The following CNTNAP2 variants were observed in gnomAD, a reference collection of about 807,000 sequenced individuals.
CNTNAP2 encodes the protein contactin associated protein 2.
Under a neutral mutation model 155.2 loss-of-function variants are expected in CNTNAP2, and 98 were observed. The ratio of observed to expected loss-of-function variants is 0.63; its 90% CI spans 0.54 to 0.75. CNTNAP2 has a LOEUF of 0.75. Among genes scored for constraint, CNTNAP2 ranks in the 30% least tolerant of loss-of-function variants. The probability of loss-of-function intolerance (pLI) is 0.00; values close to 1 mark genes in which losing one functional copy is unlikely to be tolerated. For synonymous variants in CNTNAP2, 651 were observed against 631.2 expected, an observed-to-expected ratio of 1.03 and a Z score of -0.47; for missense variants, 1,727 against 1,688.1, an observed-to-expected ratio of 1.02 and a Z score of -0.40.
intron 19 of CNTNAP2, among the ~76,000 whole-genome samples, chr7:148,228,827 C>CAAAAAAAAA (rs10657103): frequency 5.9e-5 from 7 of 118,692 alleles, no homozygotes; most frequent in Non-Finnish European, 1.0e-4. Flanking sequence ...GACTCTGTTT[C>CAAAAAAAAA]AAAAAAAAAA....
chr7:148,416,029 GCCC>G lies in CNTNAP2; in HGVS notation c.*416_*418del, dbSNP rs1166206605. On this transcript the variant is annotated 3_prime_UTR_variant, in exon 24 of 24. Transcript: ENST00000361727. Reference sequence around the variant, plus strand: ...AGAAAAGCTAATGCACCTACAGATGGCCCCCAACATTCTCTTCCTTTTGCTTCT... The same window carrying G: ...AGAAAAGCTAATGCACCTACAGATGGCCAACATTCTCTTCCTTTTGCTTCT... 16 of 198,316 alleles carry G rather than the reference GCCC, an allele frequency of 8.1e-5. No individual in the cohort carries two copies. Among genetic ancestry groups the G allele is most frequent in the Admixed American group, 7.0e-4 (13 of 18,684 alleles). 12.3% of individuals were successfully genotyped at this position (198,316 alleles called of 1,614,324 possible). A position where few individuals can be genotyped will look rare whatever the true frequency, so the allele number is the denominator to read the frequency against.
At chr7:147,666,265 A>G (rs963703674) in intron 13 of CNTNAP2, among the ~76,000 whole-genome samples, 13 of 152,204 alleles carry the variant, frequency 8.5e-5, no homozygotes, top group African/African-American at 2.9e-4. Context: ...CATGTGCTGC[A>G]TAACAACATT....
Position 148,415,927 on chromosome 7 carries a change from G to C in CNTNAP2, c.*311G>C, listed in dbSNP as rs963765546. On this transcript the variant is annotated 3_prime_UTR_variant, in exon 24 of 24. Coordinates refer to ENST00000361727, the MANE Select transcript of CNTNAP2 (RefSeq NM_014141.6). ...TCTTATTTTGTGTGTGTTTAGAGGT[G>C]TTCTAAAGACCCGTGGTAACAGGGC... The C allele has an allele frequency of 4.9e-6, 2 of 405,930 alleles. No homozygotes were observed. Among genetic ancestry groups the C allele is most frequent in the Non-Finnish European group, 8.8e-6 (2 of 227,404 alleles). 25.1% of individuals were successfully genotyped at this position (405,930 alleles called of 1,614,324 possible). A position where few individuals can be genotyped will look rare whatever the true frequency, so the allele number is the denominator to read the frequency against.
rs1220162392 is a variant in CNTNAP2, at chr7:147,189,926, A to C, written c.1348+57417A>C. Among the ~76,000 whole-genome samples, 3 of 152,132 alleles carry C rather than the reference A, an allele frequency of 2.0e-5. No homozygotes were observed. In the East Asian group the frequency reaches 5.8e-4, roughly 29 times the overall value. The stretch of plus-strand genomic sequence containing the variant: ...CGCCCGGCTAATTTTTTGTATTTTT[A>C]GTAGAGATGGGGTTTCACCGTGTTA... On this transcript the variant is annotated intron_variant, in intron 8 of 23. Transcript: ENST00000361727.
At chr7:147,159,919 T>A (rs905872182) in intron 8 of CNTNAP2, among the ~76,000 whole-genome samples, 1 of 151,300 alleles carries the variant, frequency 6.6e-6, no homozygotes, top group Non-Finnish European at 1.5e-5. Context: ...CATACTTTTT[T>A]ATATGATATG....
rs544253777 is a variant in CNTNAP2 at position 147,708,388 on chromosome 7, A to T, written c.2098+69082A>T. Among the ~76,000 whole-genome samples, 24 of 152,280 alleles carry T rather than the reference A, an allele frequency of 1.6e-4. No homozygotes were observed. In the East Asian group the frequency reaches 4.7e-3, roughly 30 times the overall value. On this transcript the variant is annotated intron_variant, in intron 13 of 23. Transcript: ENST00000361727. ...CCATGACATGCATTGGCTGCAGGTG[A>T]GGAATGTCAATAGGACACCAGGGAT... is the stretch of plus-strand genomic sequence containing the variant.
At chr7:148,026,303 TA>T (rs1254284339) in intron 15 of CNTNAP2, among the ~76,000 whole-genome samples, 4 of 151,594 alleles carry the variant, frequency 2.6e-5, no homozygotes, top group African/African-American at 9.7e-5. Context: ...AAATTTTTTT[TA>T]AATTAGTGTG....
Position 147,977,876 on chromosome 7 carries a change from G to A in CNTNAP2, c.2270G>A (p.Gly757Asp). The A allele has an allele frequency of 3.7e-6, 6 of 1,614,078 alleles. No homozygotes were observed. The highest frequency in any genetic ancestry group is 5.1e-6 in the Non-Finnish European group (6 of 1,180,010). ...ADYKQWRKDAGFLSYKDHLPV... is the reference protein window; with the variant it reads ...ADYKQWRKDADFLSYKDHLPV... ...CTGTGATCCAGGAGGAAGGATGCTGGTTTCTTATCATACAAAGATCACCTG... is the reference window on the plus strand; with the variant it reads ...CTGTGATCCAGGAGGAAGGATGCTGATTTCTTATCATACAAAGATCACCTG... Residue 757 changes from glycine (G) to aspartate (D), a missense_variant, in exon 15 of 24, where the codon GGT becomes GAT. By Grantham distance (94) the Gly-to-Asp change is moderately conservative. Transcript: ENST00000361727.
intron 10 of CNTNAP2, among the ~76,000 whole-genome samples, chr7:147,452,418 A>G (rs1797848314): frequency 6.6e-6 from 1 of 152,202 alleles, no homozygotes; most frequent in African/African-American, 2.4e-5. Context: ...TAGATGAGAA[A>G]TGACCTTCAT....
At chr7:147,213,228 A>G (rs1276799136) in intron 8 of CNTNAP2, among the ~76,000 whole-genome samples, 1 of 152,106 alleles carries the variant, frequency 6.6e-6, no homozygotes, top group Non-Finnish European at 1.5e-5. Context: ...GGATGTCCCA[A>G]CTCAAACAGA....
chr7:148,194,328 C>T (rs73170525), intron 18 of CNTNAP2, among the ~76,000 whole-genome samples: 3,674 of 152,076 alleles, frequency 0.024, 59 homozygotes, highest in Non-Finnish European at 0.036. Context: ...CTCCTCCAGC[C>T]TTGAGTGATC....
chr7:146,271,517 AT>A, intron 1 of CNTNAP2, among the ~76,000 whole-genome samples: 1 of 152,030 alleles, frequency 6.6e-6, no homozygotes, highest in South Asian at 2.1e-4. Flanking sequence ...AAAGCTTTTA[AT>A]TTTTAAAGTA....
At chr7:146,232,114 A>G (rs1308900019) in intron 1 of CNTNAP2, among the ~76,000 whole-genome samples, 1 of 150,646 alleles carries the variant, frequency 6.6e-6, no homozygotes, top group East Asian at 1.9e-4. Flanking sequence ...CTGGGTCTGG[A>G]CTTCACCTAG....
At chr7:146,345,305 T>G (rs1794802156) in intron 1 of CNTNAP2, among the ~76,000 whole-genome samples, 1 of 152,202 alleles carries the variant, frequency 6.6e-6, no homozygotes, top group Non-Finnish European at 1.5e-5. Flanking sequence ...CTGTGTGGGA[T>G]TTGAGAGTCG....
intron 8 of CNTNAP2, among the ~76,000 whole-genome samples, chr7:147,246,333 C>T (rs911716164): frequency 6.6e-6 from 1 of 152,070 alleles, no homozygotes; most frequent in Non-Finnish European, 1.5e-5. Context: ...TGGATGAACT[C>T]TCCTCCCTCT....
In CNTNAP2 at chr7:147,672,567, G is replaced by T. The variant is rs553214549; in HGVS notation, c.2098+33261G>T. On this transcript the variant is annotated intron_variant, in intron 13 of 23. Transcript: ENST00000361727. ...AAACCCTTCAGAGAGACTTAAAGCCGGTAAAAGACCTTTTGCAAAAGTGAT... is the reference window on the plus strand; with the variant it reads ...AAACCCTTCAGAGAGACTTAAAGCCTGTAAAAGACCTTTTGCAAAAGTGAT... 2.6e-5 allele frequency: 4 copies of T among 152,136 alleles called. No individual in the cohort carries two copies. The East Asian group carries it at 7.7e-4, about 29-fold the overall frequency. The allele number at this position is 152,136 out of a possible 1,614,324, so 9.4% of individuals were successfully genotyped here. A position where few individuals can be genotyped will look rare whatever the true frequency, so the allele number is the denominator to read the frequency against.
chr7:147,606,858 G>A (rs907100069), intron 12 of CNTNAP2, among the ~76,000 whole-genome samples: 38 of 152,286 alleles, frequency 2.5e-4, no homozygotes, highest in African/African-American at 8.9e-4. Context: ...AAAGCAGAGT[G>A]GCAGTGTCCT....
chr7:147,784,493 TAATATA>T (rs1797705009), intron 13 of CNTNAP2, among the ~76,000 whole-genome samples: 3 of 48,100 alleles, frequency 6.2e-5, no homozygotes, highest in Admixed American at 3.1e-4. Flanking sequence ...GGCTCTGGAC[TAATATA>T]TATATATATA....
rs28575830 is a variant in CNTNAP2 at position 146,671,820 on chromosome 7, A to G, written c.98-102451A>G. Among the ~76,000 whole-genome samples the G allele has an allele frequency of 8.2e-5, 6 of 73,298 alleles. No individual in the cohort carries two copies. The South Asian group carries it at 1.9e-3, about 23-fold the overall frequency. 48.1% of individuals were successfully genotyped at this position (73,298 alleles called of 152,430 possible). On this transcript the variant is annotated intron_variant, in intron 1 of 23. Coordinates refer to ENST00000361727, the MANE Select transcript of CNTNAP2 (RefSeq NM_014141.6). ...CTTTTCTTTTTTTTATTTTGTTTTTATTTTTATTTTTTTTTGATGGAGTCT... is the reference window on the plus strand; with the variant it reads ...CTTTTCTTTTTTTTATTTTGTTTTTGTTTTTATTTTTTTTTGATGGAGTCT...
Sources: gnomAD v4.1 joint callset for allele counts (sites outside exome capture counted in the v4.1 genomes callset) on GRCh38, gnomAD v4.1.1 for gene constraint, MANE v1.5 for transcripts, NCBI Gene and HGNC (gene_info 2026-07-23, HGNC 2026-07-21) for gene names.